The following OR2M4 variants were observed in gnomAD, a reference collection of about 807,000 sequenced individuals.
OR2M4 encodes olfactory receptor family 2 subfamily M member 4, also known as olfactory receptor 2M4.
OR2M4 carries 8 observed loss-of-function variants against 13.7 expected under a neutral mutation model. The observed-to-expected ratio is 0.58, with a 90% CI of 0.34 to 1.05. OR2M4 has a LOEUF of 1.05. Ranked by LOEUF, OR2M4 falls within the 50% of genes least tolerant of loss-of-function variation. The pLI is 0.02. For missense variants in OR2M4, 374 were observed against 381.6 expected (o/e 0.98, Z 0.17); for synonymous variants, 152 against 141.3 (o/e 1.08, Z -0.53).
At chr1:248,237,481 C>G (rs1666570192) in intron 1 of OR2M4, among the ~76,000 whole-genome samples, 1 of 151,928 alleles carries the variant, frequency 6.6e-6, no homozygotes, top group Non-Finnish European at 1.5e-5. Flanking sequence ...TGGTGTAACC[C>G]TATCTCTACT....
chr1:248,239,400 ATAGTGC>A lies in OR2M4; in HGVS notation c.474_479del (p.Val159_Leu160del). 1 of 1,614,102 alleles carries A rather than the reference ATAGTGC, an allele frequency of 6.2e-7. No homozygotes were observed. The highest frequency in any genetic ancestry group is 8.5e-7 in the Non-Finnish European group (1 of 1,180,010). ...GACCTTGGGGTCTCTTGATGGGATC[ATAGTGC>A]TTGCAGCTGTCCTGTCATTTTCTTA... On this transcript the variant is annotated inframe_deletion, in exon 2 of 2. Transcript: ENST00000641868.
In OR2M4 at chr1:248,239,124, C is replaced by CA; in HGVS notation, c.196_197insA (p.Leu66HisfsTer46). 3 of 1,614,002 alleles carry CA rather than the reference C, an allele frequency of 1.9e-6. No homozygotes were observed. The highest frequency in any genetic ancestry group is 2.5e-6 in the Non-Finnish European group (3 of 1,179,908). The stretch of plus-strand genomic sequence containing the variant: ...CCCCATGTACTTCCTCCTCAGTCAA[C>CA]TGTCCCTTATGGACCTCATGCTCAT... On this transcript the variant is annotated frameshift_variant, in exon 2 of 2. Coordinates refer to ENST00000641868, the MANE Select transcript of OR2M4 (RefSeq NM_017504.2). LOFTEE classifies it high-confidence loss of function.
intron 1 of OR2M4, among the ~76,000 whole-genome samples, chr1:248,237,067 C>A (rs1177953358): frequency 6.6e-6 from 1 of 152,110 alleles, no homozygotes; most frequent in Non-Finnish European, 1.5e-5. Flanking sequence ...ATTTATGAGG[C>A]CAGCATCATC....
Position 248,243,240 on chromosome 1 carries a change from A to G in OR2M4, c.*3376A>G, listed in dbSNP as rs191434909. Reference sequence around the variant, plus strand: ...TTTAAGGTTGCTTGCCTGTTGAAACAATATTTTGGACGTATTAGTTTTAAC... The same window carrying G: ...TTTAAGGTTGCTTGCCTGTTGAAACGATATTTTGGACGTATTAGTTTTAAC... On this transcript the variant is annotated 3_prime_UTR_variant, in exon 2 of 2. Transcript: ENST00000641868. The G allele has an allele frequency of 6.6e-6, 1 of 152,310 alleles. No individual in the cohort carries two copies. The highest frequency in any genetic ancestry group is 1.9e-4 in the East Asian group (1 of 5,192). The allele number at this position is 152,310 out of a possible 1,614,324, so 9.4% of individuals were successfully genotyped here. A position where few individuals can be genotyped will look rare whatever the true frequency, so the allele number is the denominator to read the frequency against.
At chr1:248,232,767 C>A (rs4509607) in intron 1 of OR2M4, among the ~76,000 whole-genome samples, 68,325 of 151,916 alleles carry the variant, frequency 0.45, 17,313 homozygotes, top group Non-Finnish European at 0.57. Flanking sequence ...TATGTTGATA[C>A]CTTCAAAATG....
chr1:248,244,207 C>A lies in OR2M4; in HGVS notation c.*4343C>A, dbSNP rs1242809611. 6.6e-6 allele frequency: 1 copy of A among 152,102 alleles called. No individual in the cohort carries two copies. Among genetic ancestry groups the A allele is most frequent in the African/African-American group, 2.4e-5 (1 of 41,400 alleles). 9.4% of individuals were successfully genotyped at this position (152,102 alleles called of 1,614,324 possible). A position where few individuals can be genotyped will look rare whatever the true frequency, so the allele number is the denominator to read the frequency against. ...AGGAATGCTATTACTGGGGATACATCCAAAAGAAAATAAATTGTTCTACCC... is the reference window on the plus strand; with the variant it reads ...AGGAATGCTATTACTGGGGATACATACAAAAGAAAATAAATTGTTCTACCC... On this transcript the variant is annotated 3_prime_UTR_variant, in exon 2 of 2. Coordinates refer to ENST00000641868, the MANE Select transcript of OR2M4 (RefSeq NM_017504.2).
chr1:248,234,010 A>G (rs1323793421), intron 1 of OR2M4, among the ~76,000 whole-genome samples: 1 of 152,090 alleles, frequency 6.6e-6, no homozygotes, highest in Non-Finnish European at 1.5e-5. Flanking sequence ...TTGCTCCATG[A>G]TCTTCGGGCT....
In OR2M4 at chr1:248,238,891, C is replaced by A; in HGVS notation, c.-19-19C>A. The A allele has an allele frequency of 7.0e-7, 1 of 1,423,158 alleles. No homozygotes were observed. Among genetic ancestry groups the A allele is most frequent in the South Asian group, 1.3e-5 (1 of 75,440 alleles). 88.2% of individuals were successfully genotyped at this position (1,423,158 alleles called of 1,614,324 possible). A position where few individuals can be genotyped will look rare whatever the true frequency, so the allele number is the denominator to read the frequency against. The stretch of plus-strand genomic sequence containing the variant: ...AACTGAATTGATAAATAAGCTTGTA[C>A]CTTCTTTGGAATTCTCAGATAAGGC... On this transcript the variant is annotated intron_variant, in intron 1 of 1. Transcript: ENST00000641868.
In OR2M4 at chr1:248,238,965, A is replaced by T; in HGVS notation, c.37A>T (p.Ile13Phe). ...AAACCAGACCTTCAACTCCATCTTC[A>T]TCCTGCTGGGAATCTTCAATCACAG... Reference protein sequence around the residue: ...WENQTFNSIFILLGIFNHSPT... With the variant: ...WENQTFNSIFFLLGIFNHSPT... Residue 13 changes from isoleucine (I) to phenylalanine (F), a missense_variant, in exon 2 of 2, where the codon ATC becomes TTC. Transcript: ENST00000641868. 6 of 1,610,264 alleles carry T rather than the reference A, an allele frequency of 3.7e-6. No homozygotes were observed. Among genetic ancestry groups the T allele is most frequent in the South Asian group, 1.1e-5 (1 of 90,118 alleles).
Position 248,244,077 on chromosome 1 carries a change from G to A in OR2M4, c.*4213G>A, listed in dbSNP as rs1666643400. ...ATACTAGTGAAGCTGTGGAGAAAAG[G>A]AACACATATACACTGTTGGTGGGAA... On this transcript the variant is annotated 3_prime_UTR_variant, in exon 2 of 2. Transcript: ENST00000641868. The A allele has an allele frequency of 1.3e-5, 2 of 152,156 alleles. No homozygotes were observed. Among genetic ancestry groups the A allele is most frequent in the Admixed American group, 1.3e-4 (2 of 15,272 alleles). 9.4% of individuals were successfully genotyped at this position (152,156 alleles called of 1,614,324 possible). A position where few individuals can be genotyped will look rare whatever the true frequency, so the allele number is the denominator to read the frequency against.
chr1:248,232,583 A>G (rs1203939855), intron 1 of OR2M4, among the ~76,000 whole-genome samples: 13 of 152,094 alleles, frequency 8.5e-5, no homozygotes, highest in Admixed American at 7.9e-4. Context: ...CACTTAGTCA[A>G]GTGCCTTCTA....
At chr1:248,238,457 G>A (rs1666579752) in intron 1 of OR2M4, among the ~76,000 whole-genome samples, 2 of 151,790 alleles carry the variant, frequency 1.3e-5, no homozygotes, top group East Asian at 1.9e-4. Flanking sequence ...TAGGATGGTA[G>A]GGAAAAAAAA....
rs1263793674 is a variant in OR2M4 at position 248,244,008 on chromosome 1, C to T, written c.*4144C>T. The T allele has an allele frequency of 1.3e-5, 2 of 152,156 alleles. No individual in the cohort carries two copies. Among genetic ancestry groups the T allele is most frequent in the Non-Finnish European group, 2.9e-5 (2 of 68,034 alleles). The allele number at this position is 152,156 out of a possible 1,614,324, so 9.4% of individuals were successfully genotyped here. ...AACCTAAATGAGAGACCATCTCACA[C>T]CAGTCCCGTCAAAATGACCATTAAT... is the stretch of plus-strand genomic sequence containing the variant. On this transcript the variant is annotated 3_prime_UTR_variant, in exon 2 of 2. Coordinates refer to ENST00000641868, the MANE Select transcript of OR2M4 (RefSeq NM_017504.2).
rs766835655 is a variant in OR2M4, at chr1:248,239,401, TA to T, written c.474del (p.Ile158MetfsTer48). The T allele has an allele frequency of 7.5e-5, 121 of 1,614,132 alleles. No individual in the cohort carries two copies. In the African/African-American group the frequency reaches 1.5e-3, roughly 20 times the overall value. ...SWTLGSLDGI[I>X]VLAAVLSFSY... ...ACCTTGGGGTCTCTTGATGGGATCA[TA>T]GTGCTTGCAGCTGTCCTGTCATTTT... is the stretch of plus-strand genomic sequence containing the variant. On this transcript the variant is annotated frameshift_variant, in exon 2 of 2. Coordinates refer to ENST00000641868, the MANE Select transcript of OR2M4 (RefSeq NM_017504.2). LOFTEE classifies it high-confidence loss of function.
chr1:248,238,888 G>A, intron 1 of OR2M4, 22 bp from the exon 2 acceptor site: 1 of 1,411,558 alleles, frequency 7.1e-7, no homozygotes, highest in African/African-American at 1.4e-5. Flanking sequence ...AAATAAGCTT[G>A]TACCTTCTTT....
chr1:248,238,295 G>A (rs1666578133), intron 1 of OR2M4, among the ~76,000 whole-genome samples: 1 of 152,064 alleles, frequency 6.6e-6, no homozygotes, highest in Non-Finnish European at 1.5e-5. Flanking sequence ...ATTTTAATGG[G>A]GGTTTTGATT....
rs907360086 is a variant in OR2M4, at chr1:248,243,124, A to G, written c.*3260A>G. Reference sequence around the variant, plus strand: ...GCAGACCAAGTATTTTTGAAAAAAAATTAGTGTCTGAATTATGAGCTGAAA... The same window carrying G: ...GCAGACCAAGTATTTTTGAAAAAAAGTTAGTGTCTGAATTATGAGCTGAAA... On this transcript the variant is annotated 3_prime_UTR_variant, in exon 2 of 2. Coordinates refer to ENST00000641868, the MANE Select transcript of OR2M4 (RefSeq NM_017504.2). 2 of 152,208 alleles carry G rather than the reference A, an allele frequency of 1.3e-5. No homozygotes were observed. The highest frequency in any genetic ancestry group is 4.8e-5 in the African/African-American group (2 of 41,446). 9.4% of individuals were successfully genotyped at this position (152,208 alleles called of 1,614,324 possible).
intron 1 of OR2M4, among the ~76,000 whole-genome samples, chr1:248,231,830 CT>C: frequency 6.6e-6 from 1 of 152,194 alleles, no homozygotes; most frequent in South Asian, 2.1e-4. Context: ...GACTCTCTTT[CT>C]GTTTCATACT....
At position 248,239,676 on chromosome 1, in the gene OR2M4, C is replaced by A; in HGVS notation, c.748C>A (p.Leu250Ile). 1 of 1,614,074 alleles carries A rather than the reference C, an allele frequency of 6.2e-7. No individual in the cohort carries two copies. Among genetic ancestry groups the A allele is most frequent in the Non-Finnish European group, 8.5e-7 (1 of 1,180,010 alleles). Residue 250 changes from leucine (L) to isoleucine (I), a missense_variant, in exon 2 of 2, where the codon CTC becomes ATC. Transcript: ENST00000641868. ...TCSSHLSVVGLYYGAAMFMYM... is the reference protein window; with the variant it reads ...TCSSHLSVVGIYYGAAMFMYM... Reference sequence around the variant, plus strand: ...CTCCTCCCACCTGTCTGTGGTCGGACTCTACTACGGTGCTGCTATGTTCAT... The same window carrying A: ...CTCCTCCCACCTGTCTGTGGTCGGAATCTACTACGGTGCTGCTATGTTCAT...
Sources: gnomAD v4.1 joint callset for allele counts (sites outside exome capture counted in the v4.1 genomes callset) on GRCh38, gnomAD v4.1.1 for gene constraint, MANE v1.5 for transcripts, NCBI Gene and HGNC (gene_info 2026-07-23, HGNC 2026-07-21) for gene names.